Variants in NELL2 observed in about 807,000 individuals in gnomAD.
NELL2 encodes the protein neural EGFL like 2.
A neutral mutation model predicts 109.6 loss-of-function variants in NELL2; 41 were observed. The ratio of observed to expected loss-of-function variants is 0.37; its 90% CI spans 0.29 to 0.49. The LOEUF (loss-of-function observed/expected upper bound fraction) is 0.49, where lower values mean the gene tolerates loss of function less well. Ranked by LOEUF, NELL2 falls within the 20% of genes least tolerant of loss-of-function variation. NELL2 has a pLI of 0.98. For synonymous variants in NELL2, 355 were observed against 344.7 expected, an observed-to-expected ratio of 1.03 and a Z score of -0.33; for missense variants, 900 against 1,008.3, an observed-to-expected ratio of 0.89 and a Z score of 1.45.
At chr12:44,743,505 G>A (rs1312327604) in intron 9 of NELL2, among the ~76,000 whole-genome samples, 2 of 39,136 alleles carry the variant, frequency 5.1e-5, no homozygotes, top group African/African-American at 1.0e-4. Flanking sequence ...ACACAGACTA[G>A]CAAATTGGAT....
intron 9 of NELL2, among the ~76,000 whole-genome samples, chr12:44,769,637 A>G (rs1359128133): frequency 6.6e-6 from 1 of 152,180 alleles, no homozygotes; most frequent in African/African-American, 2.4e-5. Context: ...AAATACATAC[A>G]TAACTAAGAC....
chr12:44,587,453 ATTG>A (rs1186370451), intron 15 of NELL2, among the ~76,000 whole-genome samples: 1 of 151,626 alleles, frequency 6.6e-6, no homozygotes, highest in Non-Finnish European at 1.5e-5. Context: ...ACATTACGAA[ATTG>A]TTAACACATA....
chr12:44,711,426 T>A lies in NELL2; in HGVS notation c.1087-32A>T, dbSNP rs772966845. Reference sequence around the variant, plus strand: ...GACAACAGAAAAGAAGTGCTTCAAATTTTATCATTAGGACTTGTTAAGAAG... The same window carrying A: ...GACAACAGAAAAGAAGTGCTTCAAAATTTATCATTAGGACTTGTTAAGAAG... On this transcript the variant is annotated intron_variant, in intron 10 of 19. Coordinates refer to ENST00000429094, the MANE Select transcript of NELL2 (RefSeq NM_001145108.2). 3 of 1,548,734 alleles carry A rather than the reference T, an allele frequency of 1.9e-6. No homozygotes were observed. The East Asian group carries it at 6.7e-5, about 35-fold the overall frequency.
chr12:44,876,108 C>A lies in NELL2; in HGVS notation c.-239G>T. ...ATTCCCACACGCAGGGCCGAGGCGG[C>A]AGCGCGGCCCGGAGGGGGCCCGGAG... On this transcript the variant is annotated 5_prime_UTR_variant, in exon 1 of 20. Coordinates refer to ENST00000429094, the MANE Select transcript of NELL2 (RefSeq NM_001145108.2). 7.5e-7 allele frequency: 1 copy of A among 1,324,676 alleles called. No individual in the cohort carries two copies. Among genetic ancestry groups the A allele is most frequent in the Non-Finnish European group, 9.6e-7 (1 of 1,037,896 alleles). 82.1% of individuals were successfully genotyped at this position (1,324,676 alleles called of 1,614,324 possible).
At chr12:44,591,735 T>C (rs1015547115) in intron 15 of NELL2, among the ~76,000 whole-genome samples, 4 of 152,184 alleles carry the variant, frequency 2.6e-5, no homozygotes, top group African/African-American at 9.7e-5. Flanking sequence ...ATTTACTGTA[T>C]ATTTTCAAAT....
intron 15 of NELL2, among the ~76,000 whole-genome samples, chr12:44,599,908 C>G (rs1448379042): frequency 6.7e-6 from 1 of 148,646 alleles, no homozygotes; most frequent in Non-Finnish European, 1.5e-5. Flanking sequence ...AGAGGCCCCC[C>G]AAAAACAATG....
At chr12:44,870,565 A>G (rs1945133488) in intron 2 of NELL2, among the ~76,000 whole-genome samples, 1 of 152,200 alleles carries the variant, frequency 6.6e-6, no homozygotes, top group Non-Finnish European at 1.5e-5. Flanking sequence ...TCAAGGTATC[A>G]GTAGCACTAC....
intron 9 of NELL2, among the ~76,000 whole-genome samples, chr12:44,718,048 C>T (rs1938581215): frequency 6.6e-6 from 1 of 152,090 alleles, no homozygotes; most frequent in African/African-American, 2.4e-5. Context: ...CATGAGAGAG[C>T]GGAACACAGA....
chr12:44,587,455 T>A (rs942676634), intron 15 of NELL2, among the ~76,000 whole-genome samples: 7 of 151,634 alleles, frequency 4.6e-5, no homozygotes, highest in Admixed American at 2.6e-4. Flanking sequence ...ATTACGAAAT[T>A]GTTAACACAT....
At chr12:44,779,577 T>C (rs1941876864) in intron 5 of NELL2, 86 bp downstream of exon 5, 1 of 1,047,134 alleles carries the variant, frequency 9.5e-7, no homozygotes, top group Non-Finnish European at 1.4e-6. Flanking sequence ...AATTATTTTG[T>C]TTCACACCAT....
chr12:44,557,517 T>C (rs1943302408), intron 15 of NELL2, among the ~76,000 whole-genome samples: 1 of 152,092 alleles, frequency 6.6e-6, no homozygotes, highest in African/African-American at 2.4e-5. Flanking sequence ...GCAGAGGTAC[T>C]GAAGAGGTGG....
chr12:44,604,666 G>A (rs1357419861), intron 15 of NELL2, among the ~76,000 whole-genome samples: 4 of 152,106 alleles, frequency 2.6e-5, no homozygotes, highest in Admixed American at 6.5e-5. Flanking sequence ...GAAGTGAGAT[G>A]GCAGAAGGAC....
At chr12:44,558,865 C>A (rs1943358857) in intron 15 of NELL2, among the ~76,000 whole-genome samples, 1 of 152,112 alleles carries the variant, frequency 6.6e-6, no homozygotes, top group Admixed American at 6.5e-5. Context: ...GCCAGGGAGC[C>A]AAGTGGTCTA....
At chr12:44,913,290 TA>T (rs1352054276) in intron 1 of NELL2, among the ~76,000 whole-genome samples, 1 of 152,172 alleles carries the variant, frequency 6.6e-6, no homozygotes, top group African/African-American at 2.4e-5. Context: ...CACAGTCTCC[TA>T]GCTCTCATTA....
chr12:44,597,033 G>A (rs548033132), intron 15 of NELL2, among the ~76,000 whole-genome samples: 1 of 152,268 alleles, frequency 6.6e-6, no homozygotes, highest in East Asian at 1.9e-4. Flanking sequence ...GAAATCTTAA[G>A]TGTCCTTAGC....
At chr12:44,642,236 T>A (rs1946887293) in intron 13 of NELL2, among the ~76,000 whole-genome samples, 1 of 152,162 alleles carries the variant, frequency 6.6e-6, no homozygotes, top group African/African-American at 2.4e-5. Flanking sequence ...ATAAGCATTC[T>A]ATCCAAACTG....
chr12:44,913,452 A>G (rs117236436), intron 1 of NELL2, among the ~76,000 whole-genome samples: 3,326 of 152,234 alleles, frequency 0.022, 85 homozygotes, highest in Admixed American at 0.068. Flanking sequence ...TTAAGAAAAA[A>G]GTTATCTAAA....
chr12:44,674,477 T>C (rs772517582), intron 12 of NELL2, among the ~76,000 whole-genome samples: 6 of 152,204 alleles, frequency 3.9e-5, no homozygotes, highest in Non-Finnish European at 8.8e-5. Flanking sequence ...GACCTCATGT[T>C]ATTTTGCTGC....
At chr12:44,588,920 C>A (rs962634291) in intron 15 of NELL2, among the ~76,000 whole-genome samples, 1 of 152,166 alleles carries the variant, frequency 6.6e-6, no homozygotes, top group Admixed American at 6.5e-5. Context: ...TAATTTCATT[C>A]AGCTATTTTT....
Sources: gnomAD v4.1 joint callset for allele counts (sites outside exome capture counted in the v4.1 genomes callset) on GRCh38, gnomAD v4.1.1 for gene constraint, MANE v1.5 for transcripts, NCBI Gene and HGNC (gene_info 2026-07-23, HGNC 2026-07-21) for gene names.